The following PRKCE variants were observed in gnomAD, a reference collection of about 807,000 sequenced individuals.
The protein encoded by PRKCE is protein kinase C epsilon type.
A neutral mutation model predicts 85.4 loss-of-function variants in PRKCE; 16 were observed. The observed-to-expected ratio is 0.19, with a 90% CI of 0.13 to 0.28. The LOEUF (loss-of-function observed/expected upper bound fraction) is 0.28, where lower values mean the gene tolerates loss of function less well. Among genes scored for constraint, PRKCE ranks in the 10% least tolerant of loss-of-function variants. The pLI, the probability that PRKCE is intolerant of heterozygous loss-of-function variation, is 1.00. For synonymous variants in PRKCE, 388 were observed against 371.5 expected (o/e 1.04, Z -0.51); for missense variants, 573 against 975.2 (o/e 0.59, Z 5.49).
At chr2:45,721,610 G>A (rs1680624809) in intron 1 of PRKCE, among the ~76,000 whole-genome samples, 1 of 152,072 alleles carries the variant, frequency 6.6e-6, no homozygotes, top group African/African-American at 2.4e-5. Flanking sequence ...GGTGGCTCAC[G>A]CCTGTAATCC....
intron 10 of PRKCE, among the ~76,000 whole-genome samples, chr2:46,083,854 G>T (rs1485389086): frequency 6.6e-6 from 1 of 152,192 alleles, no homozygotes; most frequent in Non-Finnish European, 1.5e-5. Context: ...AAGGAGACCA[G>T]AATAATGTAT....
intron 2 of PRKCE, among the ~76,000 whole-genome samples, chr2:45,879,933 A>G (rs565303095): frequency 6.6e-6 from 1 of 152,216 alleles, no homozygotes; most frequent in Non-Finnish European, 1.5e-5. Context: ...TAACTATATT[A>G]ATTCTACAGT....
At chr2:45,844,310 C>G (rs966462695) in intron 2 of PRKCE, among the ~76,000 whole-genome samples, 1 of 152,320 alleles carries the variant, frequency 6.6e-6, no homozygotes, top group East Asian at 1.9e-4. Flanking sequence ...AAATTGGTTG[C>G]TTACATTTCC....
intron 1 of PRKCE, among the ~76,000 whole-genome samples, chr2:45,679,212 G>A (rs1193799099): frequency 1.3e-5 from 2 of 152,142 alleles, no homozygotes; most frequent in Admixed American, 1.3e-4. Flanking sequence ...TCTGCCCCAG[G>A]ACTTCCATGC....
chr2:46,146,942 G>A (rs1676125228), intron 12 of PRKCE, among the ~76,000 whole-genome samples: 1 of 152,178 alleles, frequency 6.6e-6, no homozygotes, highest in Non-Finnish European at 1.5e-5. Flanking sequence ...CCCACTCAGG[G>A]TTTCAGTGGA....
rs571113885 is a variant in PRKCE, at chr2:45,843,134, C to CG, written c.412+71_412+72insG. 685 of 1,361,374 alleles carry CG rather than the reference C, an allele frequency of 5.0e-4. 14 individuals are homozygous for CG. In the South Asian group the frequency reaches 7.5e-3, roughly 15 times the overall value. The allele number at this position is 1,361,374 out of a possible 1,614,324, so 84.3% of individuals were successfully genotyped here. ...TTGCCTTCTGGGTCTCTTCTTTCCC[C>CG]CCCTTGGCCGGAACACATTATAGTG... On this transcript the variant is annotated intron_variant, in intron 2 of 14. Transcript: ENST00000306156.
chr2:45,815,064 A>G (rs1226553793), intron 1 of PRKCE, among the ~76,000 whole-genome samples: 1 of 152,112 alleles, frequency 6.6e-6, no homozygotes, highest in Non-Finnish European at 1.5e-5. Context: ...ACCCTGTGTG[A>G]TAGAATTAAG....
chr2:45,655,525 A>T (rs1479905162), intron 1 of PRKCE, among the ~76,000 whole-genome samples: 1 of 152,134 alleles, frequency 6.6e-6, no homozygotes, highest in African/African-American at 2.4e-5. Context: ...GTGTGTTAAG[A>T]GTTTAAAAAG....
At chr2:45,879,999 A>T (rs1428913093) in intron 2 of PRKCE, among the ~76,000 whole-genome samples, 2 of 152,168 alleles carry the variant, frequency 1.3e-5, no homozygotes, top group African/African-American at 2.4e-5. Flanking sequence ...GTATCCTTTA[A>T]CAAATCTCTT....
chr2:45,827,017 C>G (rs1468450778), intron 1 of PRKCE, among the ~76,000 whole-genome samples: 1 of 152,232 alleles, frequency 6.6e-6, no homozygotes, highest in African/African-American at 2.4e-5. Context: ...GTGTGAGTCA[C>G]AGCATCTCAC....
At chr2:45,712,684 C>T (rs751975781) in intron 1 of PRKCE, among the ~76,000 whole-genome samples, 4 of 152,112 alleles carry the variant, frequency 2.6e-5, no homozygotes, top group African/African-American at 7.2e-5. Context: ...CTGGAAGGGC[C>T]TTTTGCCTTT....
intron 10 of PRKCE, among the ~76,000 whole-genome samples, chr2:46,015,235 T>C (rs114328530): frequency 0.031 from 4,644 of 152,208 alleles, 95 homozygotes; most frequent in African/African-American, 0.06. Flanking sequence ...GTTTTTTTTT[T>C]CTGGAAGTTA....
Position 45,672,246 on chromosome 2 carries a change from G to GCATC in PRKCE, c.348+19829_348+19832dup, listed in dbSNP as rs57355156. ...TCTCTACATCCATCCATCTGTCTAT[G>GCATC]CATCCATCCATCCATCCATCCATCC... On this transcript the variant is annotated intron_variant, in intron 1 of 14. Coordinates refer to ENST00000306156, the MANE Select transcript of PRKCE (RefSeq NM_005400.3). 6.5e-3 allele frequency among the ~76,000 whole-genome samples: 984 copies of GCATC among 150,522 alleles called. 5 individuals are homozygous for GCATC. Among genetic ancestry groups the GCATC allele is most frequent in the South Asian group, 0.02 (96 of 4,728 alleles).
chr2:45,979,155 C>G, intron 4 of PRKCE, 145 bp downstream of exon 4: 1 of 807,934 alleles, frequency 1.2e-6, no homozygotes, highest in Non-Finnish European at 2.0e-6. Context: ...TTGACCATTA[C>G]TTCTGCATAT....
intron 1 of PRKCE, among the ~76,000 whole-genome samples, chr2:45,693,734 G>A (rs1677923438): frequency 2.0e-5 from 3 of 152,148 alleles, no homozygotes; most frequent in Admixed American, 2.0e-4. Flanking sequence ...AGGCAGTCGG[G>A]GTGGACCGTC....
At chr2:45,813,116 C>T (rs779414713) in intron 1 of PRKCE, among the ~76,000 whole-genome samples, 2 of 152,128 alleles carry the variant, frequency 1.3e-5, no homozygotes, top group Non-Finnish European at 2.9e-5. Context: ...CATCCAGTTC[C>T]AGGAGGCAAA....
At chr2:45,796,281 C>G (rs1269675019) in intron 1 of PRKCE, among the ~76,000 whole-genome samples, 1 of 152,180 alleles carries the variant, frequency 6.6e-6, no homozygotes, top group Non-Finnish European at 1.5e-5. Flanking sequence ...GCTTCAAACC[C>G]CAGCTCTCTC....
intron 2 of PRKCE, among the ~76,000 whole-genome samples, chr2:45,878,035 C>T (rs1044871382): frequency 2.0e-5 from 3 of 152,210 alleles, no homozygotes; most frequent in African/African-American, 4.8e-5. Flanking sequence ...CTATTATAAA[C>T]CCTCAGTTTT....
At chr2:46,118,166 G>T (rs960720640) in intron 11 of PRKCE, among the ~76,000 whole-genome samples, 1 of 152,200 alleles carries the variant, frequency 6.6e-6, no homozygotes. Context: ...GGACAGTTTC[G>T]TGGAATTATC....
Sources: allele counts gnomAD v4.1 joint callset (sites outside exome capture counted in the v4.1 genomes callset), GRCh38; gene constraint gnomAD v4.1.1; transcripts MANE v1.5; gene names NCBI Gene and HGNC (gene_info 2026-07-23, HGNC 2026-07-21).